The following USP37 variants were observed in gnomAD, a reference collection of about 807,000 sequenced individuals.
USP37 encodes ubiquitin specific peptidase 37, also known as ubiquitin carboxyl-terminal hydrolase 37.
Under a neutral mutation model 124.0 loss-of-function variants are expected in USP37, and 27 were observed. The ratio of observed to expected loss-of-function variants is 0.22; its 90% CI spans 0.16 to 0.30. USP37 has a LOEUF of 0.30. Ranked by LOEUF, USP37 falls within the 10% of genes least tolerant of loss-of-function variation. The pLI, the probability that USP37 is intolerant of heterozygous loss-of-function variation, is 1.00. For synonymous variants in USP37, 365 were observed against 388.0 expected (o/e 0.94, Z 0.70); for missense variants, 889 against 1,140.4 (o/e 0.78, Z 3.17).
chr2:218,468,166 A>G (rs1690468603), intron 20 of USP37, among the ~76,000 whole-genome samples: 1 of 151,054 alleles, frequency 6.6e-6, no homozygotes, highest in Non-Finnish European at 1.5e-5. Context: ...TGGGATTAAC[A>G]GGCGTGAGCC....
At chr2:218,563,489 A>G (rs1693424301) in intron 1 of USP37, among the ~76,000 whole-genome samples, 1 of 152,228 alleles carries the variant, frequency 6.6e-6, no homozygotes, top group African/African-American at 2.4e-5. Flanking sequence ...TAAAACTTCC[A>G]TAACATGTTG....
chr2:218,457,293 C>A, intron 23 of USP37, 132 bp from the exon 24 acceptor site: 1 of 828,786 alleles, frequency 1.2e-6, no homozygotes, highest in South Asian at 1.8e-5. Context: ...ATTAAAAAAT[C>A]TGTTCATACC....
chr2:218,508,721 A>G, intron 11 of USP37, among the ~76,000 whole-genome samples: 1 of 152,242 alleles, frequency 6.6e-6, no homozygotes, highest in African/African-American at 2.4e-5. Context: ...AGCAAACATC[A>G]TAGAAGAGTA....
chr2:218,478,785 G>GT (rs1189978317), intron 18 of USP37, among the ~76,000 whole-genome samples: 1 of 152,178 alleles, frequency 6.6e-6, no homozygotes, highest in African/African-American at 2.4e-5. Flanking sequence ...TTGCTCATTT[G>GT]TATCTTGAGA....
At chr2:218,489,343 G>C (rs1574873550) in intron 14 of USP37, among the ~76,000 whole-genome samples, 1 of 135,818 alleles carries the variant, frequency 7.4e-6, no homozygotes, top group East Asian at 2.5e-4. Context: ...GGGCGACAGA[G>C]AGAGACTCTG....
chr2:218,485,102 A>G (rs1002721533), intron 16 of USP37, among the ~76,000 whole-genome samples: 2 of 152,196 alleles, frequency 1.3e-5, no homozygotes, highest in African/African-American at 2.4e-5. Flanking sequence ...GCAGGTTTTT[A>G]CTGAAAGTAT....
rs1414099681 is a variant in USP37 at position 218,553,599 on chromosome 2, T to C, written c.282A>G (p.Glu94=). ...IDKVPSKDAE[E]MRLFLDAVHQ... ...GGACTGCATCTAGAAACAACCTCATTTCCTCTGCATCCTTACTTGGTACTT... is the reference window on the plus strand; with the variant it reads ...GGACTGCATCTAGAAACAACCTCATCTCCTCTGCATCCTTACTTGGTACTT... Residue 94 remains glutamate, a synonymous_variant, in exon 5 of 26, where the codon GAA becomes GAG. Transcript: ENST00000258399. The C allele has an allele frequency of 2.5e-6, 4 of 1,613,766 alleles. No individual in the cohort carries two copies. The highest frequency in any genetic ancestry group is 3.4e-6 in the Non-Finnish European group (4 of 1,179,892).
intron 10 of USP37, among the ~76,000 whole-genome samples, chr2:218,516,486 G>A (rs1238944015): frequency 1.3e-5 from 2 of 151,670 alleles, no homozygotes; most frequent in African/African-American, 4.9e-5. Context: ...TAGCAGTTGA[G>A]CAATGAGAAC....
chr2:218,544,422 T>G (rs368760837), intron 8 of USP37, among the ~76,000 whole-genome samples: 139 of 56,250 alleles, frequency 2.5e-3, no homozygotes, highest in Admixed American at 7.8e-3. Flanking sequence ...TATATATATA[T>G]ATATATATAG....
intron 2 of USP37, 72 bp from the exon 3 acceptor site, chr2:218,560,955 T>C (rs985727021): frequency 6.6e-6 from 1 of 152,186 alleles, no homozygotes; most frequent in Non-Finnish European, 1.5e-5. Flanking sequence ...AGTACTCTAT[T>C]ATTATTCACT....
intron 3 of USP37, 111 bp from the exon 4 acceptor site, chr2:218,558,788 C>T (rs1056165940): frequency 1.0e-4 from 82 of 801,102 alleles, no homozygotes; most frequent in African/African-American, 8.3e-4. Flanking sequence ...ATTTCTTCTG[C>T]GCCTTCATTT....
intron 25 of USP37, 65 bp from the exon 26 acceptor site, chr2:218,455,082 G>A (rs748279767): frequency 2.8e-5 from 44 of 1,583,344 alleles, no homozygotes; most frequent in Non-Finnish European, 7.7e-6. Flanking sequence ...GAATAGGCAG[G>A]AGAAAAAGTA....
intron 18 of USP37, among the ~76,000 whole-genome samples, chr2:218,477,814 A>C (rs982633527): frequency 3.9e-5 from 6 of 152,232 alleles, no homozygotes; most frequent in Non-Finnish European, 8.8e-5. Flanking sequence ...AAACATTTTC[A>C]TCCAAACTGT....
intron 2 of USP37, 68 bp downstream of exon 2, chr2:218,562,604 CA>C: frequency 2.5e-6 from 1 of 396,870 alleles, no homozygotes; most frequent in Non-Finnish European, 4.4e-6. Flanking sequence ...AAAACAAACA[CA>C]AAACTGTCAG....
chr2:218,547,265 G>A (rs1692386902), intron 6 of USP37, among the ~76,000 whole-genome samples, 174 bp from the exon 7 acceptor site: 1 of 152,130 alleles, frequency 6.6e-6, no homozygotes, highest in Non-Finnish European at 1.5e-5. Context: ...ATAGTTTGAG[G>A]TTATAGTGAG....
chr2:218,546,229 A>T lies in USP37; in HGVS notation c.672T>A (p.Asp224Glu). The T allele has an allele frequency of 6.2e-7, 1 of 1,612,472 alleles. No homozygotes were observed. Among genetic ancestry groups the T allele is most frequent in the Non-Finnish European group, 8.5e-7 (1 of 1,179,218 alleles). ...CCCTTAAAGTAACTTACGATGATGA[A>T]TCATTTTCCTTAGGGTAATCTTCAT... is the stretch of plus-strand genomic sequence containing the variant. Reference protein sequence around the residue: ...ELNEDYPKENDSSSNNKAMTD... With the variant: ...ELNEDYPKENESSSNNKAMTD... The change falls in exon 8 of 26, where the codon GAT becomes GAA. Residue 224 changes from aspartate (D) to glutamate (E), a missense_variant. Coordinates refer to ENST00000258399, the MANE Select transcript of USP37 (RefSeq NM_020935.3).
Position 218,453,041 on chromosome 2 carries a change from A to G in USP37, c.*1889T>C, listed in dbSNP as rs191906272. On this transcript the variant is annotated 3_prime_UTR_variant, in exon 26 of 26. Coordinates refer to ENST00000258399, the MANE Select transcript of USP37 (RefSeq NM_020935.3). ...ACCACTCTACCATTTTGGAACATTC[A>G]TTACAATAAGGTATATAGGTAGATG... 1 of 152,338 alleles carries G rather than the reference A, an allele frequency of 6.6e-6. No homozygotes were observed. Among genetic ancestry groups the G allele is most frequent in the East Asian group, 1.9e-4 (1 of 5,194 alleles). 9.4% of individuals were successfully genotyped at this position (152,338 alleles called of 1,614,324 possible).
chr2:218,466,038 T>C lies in USP37; in HGVS notation c.2438A>G (p.Gln813Arg). Residue 813 changes from glutamine to arginine, a missense_variant, in exon 21 of 26, where the codon CAG (glutamine) becomes CGG (arginine). Gln to Arg is a conservative substitution (Grantham distance 43). This residue lies in a region of USP37 where 504 missense variants were observed against 714.3 expected (regional missense o/e 0.71). Transcript: ENST00000258399. ...CTCTTGAAGGCTCTGAGCCAGTGCC[T>C]GCTGAAGCTCTTGCTCTTCCCTTTC... is the stretch of plus-strand genomic sequence containing the variant. ...EREREEQELQ[Q>R]ALAQSLQEQE... is the part of the protein sequence containing the mutation. The C allele has an allele frequency of 6.2e-7, 1 of 1,612,236 alleles. No individual in the cohort carries two copies. The highest frequency in any genetic ancestry group is 1.7e-4 in the Middle Eastern group (1 of 6,058).
rs1171938444 is a variant in USP37 at position 218,480,462 on chromosome 2, A to G, written c.1836-747T>C. ...AGGCCAAAAGAGAAAATAAAATACCATCTCTAGGCTCTCCTTGATCCAATA... is the reference window on the plus strand; with the variant it reads ...AGGCCAAAAGAGAAAATAAAATACCGTCTCTAGGCTCTCCTTGATCCAATA... On this transcript the variant is annotated intron_variant, in intron 17 of 25. Coordinates refer to ENST00000258399, the MANE Select transcript of USP37 (RefSeq NM_020935.3). Among the ~76,000 whole-genome samples the G allele has an allele frequency of 4.6e-5, 7 of 151,828 alleles. No homozygotes were observed. In the South Asian group the frequency reaches 8.3e-4, roughly 18 times the overall value.
Sources: allele counts gnomAD v4.1 joint callset (sites outside exome capture counted in the v4.1 genomes callset), GRCh38; gene constraint gnomAD v4.1.1; regional missense constraint gnomAD v4.1.1; transcripts MANE v1.5; gene names NCBI Gene and HGNC (gene_info 2026-07-23, HGNC 2026-07-21).